SPMIP7: variants seen among roughly 807,000 people sequenced by gnomAD.
SPMIP7 encodes protein SPMIP7.
chr7:50,153,277 G>GCTC, the SPMIP7 span, among the ~76,000 whole-genome samples: 1 of 152,172 alleles, frequency 6.6e-6, no homozygotes, highest in Non-Finnish European at 1.5e-5. Context: ...CCAAGCCAGA[G>GCTC]CTCCTGCTCT....
chr7:50,133,555 T>C, the SPMIP7 span, among the ~76,000 whole-genome samples: 1 of 152,152 alleles, frequency 6.6e-6, no homozygotes, highest in Non-Finnish European at 1.5e-5. Context: ...ACTGCAGGAA[T>C]TTAGCAGCTT....
chr7:50,100,084 A>C, the SPMIP7 span, among the ~76,000 whole-genome samples: 1 of 152,136 alleles, frequency 6.6e-6, no homozygotes, highest in Non-Finnish European at 1.5e-5. Context: ...ACCAGTCCAG[A>C]ATGCAATCTC....
chr7:50,122,752 C>T, the SPMIP7 span, among the ~76,000 whole-genome samples: 4 of 151,942 alleles, frequency 2.6e-5, no homozygotes, highest in Admixed American at 6.6e-5. Flanking sequence ...AAAAAGTGGG[C>T]AAAGGACATG....
chr7:50,143,158 CA>C, the SPMIP7 span, among the ~76,000 whole-genome samples: 27 of 115,988 alleles, frequency 2.3e-4, no homozygotes, highest in African/African-American at 7.6e-4. Context: ...CAGTGAAAGC[CA>C]TTTTTTTTTT....
At chr7:50,107,023 G>A in the SPMIP7 span, among the ~76,000 whole-genome samples, 66 of 152,264 alleles carry the variant, frequency 4.3e-4, no homozygotes, top group Admixed American at 4.2e-3. Flanking sequence ...GATCACCTGA[G>A]GTCAGGAGTT....
the SPMIP7 span, among the ~76,000 whole-genome samples, chr7:50,151,924 T>C: frequency 0.8 from 122,365 of 152,180 alleles, 49,281 homozygotes; most frequent in East Asian, 0.92. Context: ...TTCTGCATGA[T>C]CATCAGAAGA....
chr7:50,109,618 A>G, the SPMIP7 span, among the ~76,000 whole-genome samples: 50 of 152,068 alleles, frequency 3.3e-4, no homozygotes, highest in African/African-American at 1.1e-3. Flanking sequence ...CAAGTGATCC[A>G]CCCGCCTCGG....
the SPMIP7 span, among the ~76,000 whole-genome samples, chr7:50,128,839 A>T: frequency 7.7e-4 from 117 of 152,130 alleles, no homozygotes; most frequent in African/African-American, 2.6e-3. Context: ...GAAGAAGTAT[A>T]ACAAGTCCTG....
the SPMIP7 span, among the ~76,000 whole-genome samples, chr7:50,107,199 T>C: frequency 2.6e-5 from 4 of 151,494 alleles, no homozygotes; most frequent in African/African-American, 9.7e-5. Flanking sequence ...CTATTAAAAA[T>C]ACAAAAGTTA....
chr7:50,126,739 T>C, the SPMIP7 span, among the ~76,000 whole-genome samples: 25 of 152,058 alleles, frequency 1.6e-4, no homozygotes, highest in Non-Finnish European at 2.9e-4. Flanking sequence ...TTAATCAATG[T>C]AATTTAACAT....
chr7:50,138,960 AGTATGG>A, the SPMIP7 span, among the ~76,000 whole-genome samples: 1 of 152,206 alleles, frequency 6.6e-6, no homozygotes, highest in Non-Finnish European at 1.5e-5. Flanking sequence ...ATTTATTTAA[AGTATGG>A]TTTTGCCAAA....
the SPMIP7 span, among the ~76,000 whole-genome samples, chr7:50,149,370 T>C: frequency 1.3e-5 from 2 of 152,264 alleles, no homozygotes; most frequent in African/African-American, 4.8e-5. Flanking sequence ...TATTAAGTGC[T>C]AACAATTTGC....
At chr7:50,153,443 TCAATGCATGTTTACTGTG>T in the SPMIP7 span, among the ~76,000 whole-genome samples, 1 of 152,226 alleles carries the variant, frequency 6.6e-6, no homozygotes, top group South Asian at 2.1e-4. Context: ...TTTTACTAAG[TCAATGCATGTTTACTGTG>T]CTCCAATAAA....
the SPMIP7 span, among the ~76,000 whole-genome samples, chr7:50,129,127 A>G: frequency 6.6e-6 from 1 of 152,030 alleles, no homozygotes; most frequent in African/African-American, 2.4e-5. Flanking sequence ...TAGAACTAGA[A>G]AAAGTTTACA....
the SPMIP7 span, among the ~76,000 whole-genome samples, chr7:50,156,891 C>G: frequency 6.6e-6 from 1 of 152,046 alleles, no homozygotes; most frequent in East Asian, 1.9e-4. Flanking sequence ...CCTTTCACTT[C>G]TAAACTTCTT....
chr7:50,140,195 C>T, the SPMIP7 span: 385 of 1,462,242 alleles, frequency 2.6e-4, no homozygotes, highest in Non-Finnish European at 3.4e-4. Flanking sequence ...AGTAATGTTT[C>T]TCAGTCTTGT....
At chr7:50,098,148 T>G in the SPMIP7 span, among the ~76,000 whole-genome samples, 2 of 152,080 alleles carry the variant, frequency 1.3e-5, no homozygotes, top group African/African-American at 4.8e-5. Flanking sequence ...ACATACACAC[T>G]GGTATGCTCT....
At chr7:50,156,540 C>A in the SPMIP7 span, among the ~76,000 whole-genome samples, 1 of 151,562 alleles carries the variant, frequency 6.6e-6, no homozygotes. Context: ...AGCTTCCAGT[C>A]ACTTCCCCAC....
the SPMIP7 span, chr7:50,141,224 T>C: frequency 1.2e-5 from 14 of 1,187,500 alleles, no homozygotes; most frequent in Non-Finnish European, 3.7e-6. Flanking sequence ...TGTTCAATGG[T>C]TTCTTCTATG....
Sources: gnomAD v4.1 joint callset for allele counts (sites outside exome capture counted in the v4.1 genomes callset) on GRCh38, gnomAD v4.1.1 for gene constraint, MANE v1.5 for transcripts, NCBI Gene and HGNC (gene_info 2026-07-23, HGNC 2026-07-21) for gene names.